PLCB1: variants seen among roughly 807,000 people sequenced by gnomAD.
PLCB1 encodes the protein phospholipase C beta 1.
In PLCB1, 46 loss-of-function variants were observed where a neutral mutation model predicts 161.8. The ratio of observed to expected loss-of-function variants is 0.28; its 90% CI spans 0.22 to 0.36. The LOEUF (loss-of-function observed/expected upper bound fraction) is 0.36. Ranked by LOEUF, PLCB1 falls within the 10% of genes least tolerant of loss-of-function variation. The pLI is 1.00. For synonymous variants in PLCB1, 517 were observed against 503.7 expected (o/e 1.03, Z -0.35); for missense variants, 1,016 against 1,472.5 (o/e 0.69, Z 5.07).
intron 3 of PLCB1, among the ~76,000 whole-genome samples, chr20:8,454,588 T>C (rs545645028): frequency 1.3e-5 from 2 of 152,114 alleles, no homozygotes; most frequent in Non-Finnish European, 2.9e-5. Context: ...TCAGGATGAC[T>C]CACTGGTTAT....
chr20:8,728,443 C>T (rs946062831), intron 17 of PLCB1, among the ~76,000 whole-genome samples: 2 of 152,114 alleles, frequency 1.3e-5, no homozygotes, highest in Admixed American at 1.3e-4. Flanking sequence ...AAATATTAAG[C>T]AAGATCAGAA....
At chr20:8,640,822 GTTC>G (rs1219835565) in intron 4 of PLCB1, among the ~76,000 whole-genome samples, 1 of 152,094 alleles carries the variant, frequency 6.6e-6, no homozygotes, top group Admixed American at 6.5e-5. Context: ...ACATCTCTCC[GTTC>G]TTCTACTCTG....
At chr20:8,557,338 A>C (rs1985997548) in intron 3 of PLCB1, among the ~76,000 whole-genome samples, 3 of 152,232 alleles carry the variant, frequency 2.0e-5, no homozygotes, top group Admixed American at 6.5e-5. Context: ...AATGTGGTAT[A>C]TACTTACAAT....
chr20:8,523,496 C>CTCTCTCTCTATATA, intron 3 of PLCB1, among the ~76,000 whole-genome samples: 6 of 51,652 alleles, frequency 1.2e-4, no homozygotes, highest in South Asian at 6.6e-4. Flanking sequence ...CTCTCTCTCT[C>CTCTCTCTCTATATA]TATATATATA....
intron 31 of PLCB1, among the ~76,000 whole-genome samples, chr20:8,852,545 T>C (rs1358214428): frequency 6.6e-6 from 1 of 152,110 alleles, no homozygotes; most frequent in Non-Finnish European, 1.5e-5. Flanking sequence ...CTTCTAACCT[T>C]TCCTTTGTCC....
At chr20:8,772,749 A>C (rs1315950065) in intron 26 of PLCB1, among the ~76,000 whole-genome samples, 1 of 152,042 alleles carries the variant, frequency 6.6e-6, no homozygotes, top group East Asian at 1.9e-4. Flanking sequence ...CCTGACCAAC[A>C]TGGAGAAACC....
At chr20:8,702,993 G>A (rs1978454879) in intron 11 of PLCB1, among the ~76,000 whole-genome samples, 1 of 152,166 alleles carries the variant, frequency 6.6e-6, no homozygotes, top group Non-Finnish European at 1.5e-5. Context: ...TTATGGTAGA[G>A]ATGGGGAGAG....
intron 9 of PLCB1, among the ~76,000 whole-genome samples, chr20:8,669,918 A>G (rs6039226): frequency 0.054 from 8,162 of 152,270 alleles, 717 homozygotes; most frequent in African/African-American, 0.19. Flanking sequence ...CCAATGTCCA[A>G]TTTGATCAAG....
At chr20:8,676,123 A>G (rs991269115) in intron 9 of PLCB1, among the ~76,000 whole-genome samples, 1 of 152,252 alleles carries the variant, frequency 6.6e-6, no homozygotes, top group Admixed American at 6.5e-5. Flanking sequence ...CGATGCCAAC[A>G]CTTTGGGAGG....
At position 8,874,968 on chromosome 20, in the gene PLCB1, T is replaced by G. The variant is rs893297886; in HGVS notation, c.3424-6654T>G. Reference sequence around the variant, plus strand: ...GTCAATTTCTCAGAATGTTATTGCTTCTTTAAAGGAAATTTCTTTTAAATT... The same window carrying G: ...GTCAATTTCTCAGAATGTTATTGCTGCTTTAAAGGAAATTTCTTTTAAATT... On this transcript the variant is annotated intron_variant, in intron 31 of 31. Coordinates refer to ENST00000338037, the MANE Select transcript of PLCB1 (RefSeq NM_015192.4). Among the ~76,000 whole-genome samples, 9 of 151,990 alleles carry G rather than the reference T, an allele frequency of 5.9e-5. 1 individual carries two copies. In the South Asian group the frequency reaches 1.0e-3, roughly 18 times the overall value.
intron 2 of PLCB1, among the ~76,000 whole-genome samples, chr20:8,249,933 A>G (rs978557079): frequency 6.6e-6 from 1 of 151,922 alleles, no homozygotes; most frequent in Non-Finnish European, 1.5e-5. Context: ...ATTTATGACC[A>G]TGAGGATGGT....
chr20:8,470,101 AGTTT>A (rs763150030), intron 3 of PLCB1, among the ~76,000 whole-genome samples: 31 of 152,188 alleles, frequency 2.0e-4, no homozygotes, highest in Non-Finnish European at 3.5e-4. Flanking sequence ...AAAATGGATC[AGTTT>A]TTTATTCCAT....
At chr20:8,254,470 C>T (rs1981310814) in intron 2 of PLCB1, among the ~76,000 whole-genome samples, 1 of 151,628 alleles carries the variant, frequency 6.6e-6, no homozygotes, top group Non-Finnish European at 1.5e-5. Flanking sequence ...TTCTGTTGTT[C>T]AAAATAAGGT....
chr20:8,193,898 C>G (rs1159809440), intron 2 of PLCB1, among the ~76,000 whole-genome samples: 1 of 151,942 alleles, frequency 6.6e-6, no homozygotes, highest in Admixed American at 6.6e-5. Flanking sequence ...ATCTGTTAAG[C>G]TATGAGGGTC....
intron 3 of PLCB1, among the ~76,000 whole-genome samples, chr20:8,533,194 C>T (rs535037890): frequency 5.3e-4 from 80 of 152,164 alleles, no homozygotes; most frequent in African/African-American, 1.9e-3. Flanking sequence ...GACATGAACT[C>T]ATCATTTTTT....
At chr20:8,579,402 G>C (rs1342687346) in intron 3 of PLCB1, among the ~76,000 whole-genome samples, 3 of 152,168 alleles carry the variant, frequency 2.0e-5, no homozygotes, top group South Asian at 2.1e-4. Context: ...ATGTGAGCAG[G>C]CTCAGTCAAG....
intron 2 of PLCB1, among the ~76,000 whole-genome samples, chr20:8,203,943 A>G (rs1243720659): frequency 6.6e-6 from 1 of 152,122 alleles, no homozygotes; most frequent in African/African-American, 2.4e-5. Flanking sequence ...ATTGCCTTCC[A>G]TCCCTTCTCT....
At chr20:8,862,638 G>A (rs953504934) in intron 31 of PLCB1, among the ~76,000 whole-genome samples, 1 of 152,140 alleles carries the variant, frequency 6.6e-6, no homozygotes, top group Non-Finnish European at 1.5e-5. Context: ...CATAGTTACT[G>A]GGTAATTTAT....
chr20:8,675,635 A>G (rs1990056516), intron 9 of PLCB1, among the ~76,000 whole-genome samples: 1 of 152,208 alleles, frequency 6.6e-6, no homozygotes, highest in Non-Finnish European at 1.5e-5. Context: ...GAACCATGGA[A>G]CTTCAGGATA....
Sources: gnomAD v4.1 joint callset for allele counts (sites outside exome capture counted in the v4.1 genomes callset) on GRCh38, gnomAD v4.1.1 for gene constraint, MANE v1.5 for transcripts, NCBI Gene and HGNC (gene_info 2026-07-23, HGNC 2026-07-21) for gene names.